Variants in SMG6 observed in about 807,000 individuals in gnomAD.
SMG6 encodes telomerase-binding protein EST1A.
Under a neutral mutation model 142.2 loss-of-function variants are expected in SMG6, and 66 were observed. The ratio of observed to expected loss-of-function variants is 0.46; its 90% CI spans 0.38 to 0.57. SMG6 has a LOEUF of 0.57. Ranked by LOEUF, SMG6 falls within the 20% of genes least tolerant of loss-of-function variation. SMG6 has a pLI of 0.00. For missense variants in SMG6, 1,793 were observed against 1,832.0 expected, an observed-to-expected ratio of 0.98 and a Z score of 0.39; for synonymous variants, 779 against 702.4, an observed-to-expected ratio of 1.11 and a Z score of -1.72.
intron 13 of SMG6, chr17:2,127,509 G>A (rs2069938126): frequency 3.0e-6 from 2 of 674,484 alleles, no homozygotes; most frequent in Non-Finnish European, 5.6e-6. Context: ...TATCAAGCTT[G>A]TATGACTCAA....
At chr17:2,138,139 T>C (rs2070364079) in intron 13 of SMG6, among the ~76,000 whole-genome samples, 1 of 151,246 alleles carries the variant, frequency 6.6e-6, no homozygotes, top group Non-Finnish European at 1.5e-5. Context: ...TACAGTTATT[T>C]AGTAGGAGGC....
intron 8 of SMG6, among the ~76,000 whole-genome samples, chr17:2,281,609 A>C (rs567868554): frequency 6.2e-4 from 94 of 152,012 alleles, no homozygotes; most frequent in Non-Finnish European, 9.6e-4. Context: ...TTCTAGTCTT[A>C]CTCTTCTCCA....
chr17:2,151,038 G>C (rs1034100916), intron 13 of SMG6, among the ~76,000 whole-genome samples: 2 of 152,192 alleles, frequency 1.3e-5, no homozygotes, highest in Non-Finnish European at 2.9e-5. Flanking sequence ...CTTCACACCT[G>C]GCTCCCAAAT....
At chr17:2,242,044 C>T (rs920621175) in intron 9 of SMG6, among the ~76,000 whole-genome samples, 6 of 152,080 alleles carry the variant, frequency 3.9e-5, no homozygotes, top group African/African-American at 1.4e-4. Context: ...CACAGGACAG[C>T]CCCTCACAGC....
intron 10 of SMG6, among the ~76,000 whole-genome samples, chr17:2,202,053 G>A (rs865968356): frequency 2.0e-4 from 30 of 152,014 alleles, no homozygotes; most frequent in Middle Eastern, 6.8e-3. Context: ...AGTACCAAAC[G>A]ACCCAGCTAT....
At chr17:2,236,157 A>G (rs2073644492) in intron 10 of SMG6, 1 of 178,550 alleles carries the variant, frequency 5.6e-6, no homozygotes, top group Non-Finnish European at 1.2e-5. Flanking sequence ...CATCTCAGCA[A>G]TGCCTCTCCC....
chr17:2,208,261 G>A (rs1183733523), intron 10 of SMG6, among the ~76,000 whole-genome samples: 5 of 152,106 alleles, frequency 3.3e-5, no homozygotes, highest in Admixed American at 6.6e-5. Context: ...CACAGTTTAC[G>A]TCTTTCCTCT....
chr17:2,226,931 A>G (rs752694145), intron 10 of SMG6, among the ~76,000 whole-genome samples: 3 of 152,224 alleles, frequency 2.0e-5, no homozygotes, highest in Non-Finnish European at 4.4e-5. Context: ...AGTGGGCAAG[A>G]GATGTAAACA....
Position 2,061,131 on chromosome 17 carries a change from A to C in SMG6, c.*361T>G, listed in dbSNP as rs927694942. On this transcript the variant is annotated 3_prime_UTR_variant, in exon 19 of 19. Transcript: ENST00000263073. ...ACCCCTGCCCTGTCTCCACTGGAGAAAGTGGCTGCGTCCCCAGGCGAGAAG... is the reference window on the plus strand; with the variant it reads ...ACCCCTGCCCTGTCTCCACTGGAGACAGTGGCTGCGTCCCCAGGCGAGAAG... The C allele has an allele frequency of 6.1e-5, 13 of 213,394 alleles. No individual in the cohort carries two copies. Among genetic ancestry groups the C allele is most frequent in the Non-Finnish European group, 1.1e-4 (11 of 103,100 alleles). 13.2% of individuals were successfully genotyped at this position (213,394 alleles called of 1,614,324 possible). A position where few individuals can be genotyped will look rare whatever the true frequency, so the allele number is the denominator to read the frequency against.
intron 13 of SMG6, among the ~76,000 whole-genome samples, chr17:2,099,362 G>A (rs894130357): frequency 6.6e-6 from 1 of 152,034 alleles, no homozygotes; most frequent in African/African-American, 2.4e-5. Context: ...TGTGAAACCA[G>A]ATACCAGAAG....
intron 8 of SMG6, among the ~76,000 whole-genome samples, chr17:2,273,049 T>C (rs2074573026): frequency 1.3e-5 from 2 of 152,106 alleles, no homozygotes; most frequent in Admixed American, 6.6e-5. Context: ...TGTGCCGAAG[T>C]GTGTGACTCC....
At chr17:2,256,208 A>G (rs57307236) in intron 8 of SMG6, 73,076 of 147,628 alleles carry the variant, frequency 0.5, 19,004 homozygotes, top group East Asian at 0.82. Context: ...AAATAAGAAG[A>G]AAAAAAAAAA....
chr17:2,108,412 T>A (rs1296758406), intron 13 of SMG6, among the ~76,000 whole-genome samples: 2 of 152,186 alleles, frequency 1.3e-5, no homozygotes, highest in Non-Finnish European at 2.9e-5. Context: ...AGGTCAGGTG[T>A]TCGAGACCAG....
At chr17:2,278,811 C>T (rs551504555) in intron 8 of SMG6, among the ~76,000 whole-genome samples, 1 of 152,218 alleles carries the variant, frequency 6.6e-6, no homozygotes, top group Non-Finnish European at 1.5e-5. Context: ...TTAAACATGA[C>T]CAACACAACT....
chr17:2,136,079 T>C (rs2070293816), intron 13 of SMG6, among the ~76,000 whole-genome samples: 1 of 151,504 alleles, frequency 6.6e-6, no homozygotes, highest in African/African-American at 2.4e-5. Context: ...TACATATTTT[T>C]TGAGACAGAG....
chr17:2,281,375 T>TGCCTTGGCCTCCCAAAGTGCTG (rs1242751646), intron 8 of SMG6, among the ~76,000 whole-genome samples: 4 of 152,114 alleles, frequency 2.6e-5, no homozygotes, highest in Admixed American at 2.0e-4. Flanking sequence ...GCGAACCTCC[T>TGCCTTGGCCTCCCAAAGTGCTG]GCCTTGGCCT....
At chr17:2,096,462 G>A (rs2068858289) in intron 13 of SMG6, among the ~76,000 whole-genome samples, 1 of 152,162 alleles carries the variant, frequency 6.6e-6, no homozygotes, top group African/African-American at 2.4e-5. Flanking sequence ...ACCTGCCTTG[G>A]CCTCCCAAAG....
intron 10 of SMG6, among the ~76,000 whole-genome samples, chr17:2,215,011 A>C (rs1379703480): frequency 6.6e-6 from 1 of 152,234 alleles, no homozygotes; most frequent in African/African-American, 2.4e-5. Context: ...TACCAAAGCC[A>C]CAACTCCACG....
In SMG6 at chr17:2,068,363, C is replaced by A. The variant is rs2068006577; in HGVS notation, c.3835+415G>T. ...TGATCATGAAAAGCTACAAGACAAT[C>A]AGACCAAAGGCATCTAACCACTTCA... On this transcript the variant is annotated intron_variant, in intron 16 of 18. Transcript: ENST00000263073. The surrounding 1 kb of genome is among the most constrained non-coding windows in gnomAD (Gnocchi z 6.7). Among the ~76,000 whole-genome samples the A allele has an allele frequency of 6.6e-6, 1 of 152,198 alleles. No individual in the cohort carries two copies. The highest frequency in any genetic ancestry group is 2.1e-4 in the South Asian group (1 of 4,836).
Sources: gnomAD v4.1 joint callset for allele counts (sites outside exome capture counted in the v4.1 genomes callset) on GRCh38, gnomAD v4.1.1 for gene constraint, Gnocchi (gnomAD v3.1) non-coding constraint, MANE v1.5 for transcripts, NCBI Gene and HGNC (gene_info 2026-07-23, HGNC 2026-07-21) for gene names.